SCG5: variants seen among roughly 807,000 people sequenced by gnomAD.
SCG5 encodes neuroendocrine protein 7B2.
SCG5 carries 18 observed loss-of-function variants against 25.7 expected under a neutral mutation model. The ratio of observed to expected loss-of-function variants is 0.70; its 90% CI spans 0.48 to 1.04. The LOEUF (loss-of-function observed/expected upper bound fraction) is 1.04, where lower values mean the gene tolerates loss of function less well. SCG5 is among the 50% of genes least tolerant of loss of function. The probability of loss-of-function intolerance (pLI) is 0.00; values close to 1 mark genes in which losing one functional copy is unlikely to be tolerated. For synonymous variants in SCG5, 101 were observed against 91.7 expected (o/e 1.10, Z -0.58); for missense variants, 206 against 259.8 (o/e 0.79, Z 1.42).
chr15:32,692,030 AT>A (rs2054868333), intron 5 of SCG5: 2 of 1,348,042 alleles, frequency 1.5e-6, no homozygotes, highest in Non-Finnish European at 1.9e-6. Flanking sequence ...GGAAATGTGT[AT>A]TGCTTCCCCC....
At chr15:32,668,020 G>A (rs1295367617) in intron 2 of SCG5, among the ~76,000 whole-genome samples, 4 of 152,274 alleles carry the variant, frequency 2.6e-5, no homozygotes, top group South Asian at 4.1e-4. Flanking sequence ...GGATATAAAA[G>A]AGAGAAATTG....
intron 2 of SCG5, among the ~76,000 whole-genome samples, chr15:32,676,068 C>G (rs2054525838): frequency 1.3e-5 from 2 of 152,140 alleles, no homozygotes; most frequent in African/African-American, 4.8e-5. Flanking sequence ...TGGCCCTTTG[C>G]AACTGTATAA....
chr15:32,680,112 G>C (rs2054591620), intron 3 of SCG5, among the ~76,000 whole-genome samples, 197 bp downstream of exon 3: 1 of 151,906 alleles, frequency 6.6e-6, no homozygotes, highest in South Asian at 2.1e-4. Flanking sequence ...CACCCACATA[G>C]GATTTTCCCT....
intron 2 of SCG5, among the ~76,000 whole-genome samples, chr15:32,675,959 C>G (rs1220303382): frequency 6.6e-6 from 1 of 152,158 alleles, no homozygotes; most frequent in Non-Finnish European, 1.5e-5. Context: ...ATGAATAGAC[C>G]AAATGGCATC....
At chr15:32,691,915 C>G (rs1291050553) in intron 5 of SCG5, 152 bp downstream of exon 5, 33 of 1,475,978 alleles carry the variant, frequency 2.2e-5, no homozygotes, top group Non-Finnish European at 3.0e-5. Flanking sequence ...GGGCCACACC[C>G]AGAAAGTCTG....
chr15:32,687,357 T>C (rs2054733444), intron 4 of SCG5, among the ~76,000 whole-genome samples: 1 of 152,182 alleles, frequency 6.6e-6, no homozygotes, highest in African/African-American at 2.4e-5. Context: ...TAGGATCAAA[T>C]GTAAAAGGAA....
At chr15:32,652,728 C>T (rs1374066573) in intron 2 of SCG5, among the ~76,000 whole-genome samples, 1 of 152,196 alleles carries the variant, frequency 6.6e-6, no homozygotes, top group Non-Finnish European at 1.5e-5. Context: ...GAAATGCAGT[C>T]TCCCAAATCT....
Position 32,648,785 on chromosome 15 carries a change from A to T in SCG5, c.226+4967A>T, listed in dbSNP as rs60049979. Among the ~76,000 whole-genome samples, 390 of 140,004 alleles carry T rather than the reference A, an allele frequency of 2.8e-3. 8 individuals carry two copies. The highest frequency in any genetic ancestry group is 7.1e-3 in the Middle Eastern group (2 of 280). 91.8% of individuals were successfully genotyped at this position (140,004 alleles called of 152,430 possible). On this transcript the variant is annotated intron_variant, in intron 2 of 5. Coordinates refer to ENST00000300175, the MANE Select transcript of SCG5 (RefSeq NM_001144757.3). ...GTTGCAGTCTCCTTTTTTTTTTTTA[A>T]AAAAAAAACAGAGTCTCACTCTGTC...
At chr15:32,653,313 G>T (rs542904941) in intron 2 of SCG5, among the ~76,000 whole-genome samples, 22 of 152,164 alleles carry the variant, frequency 1.4e-4, no homozygotes, top group Non-Finnish European at 2.9e-4. Context: ...TGTCAAAGAG[G>T]GACACAGAAA....
At chr15:32,688,255 T>C (rs2054759142) in intron 4 of SCG5, among the ~76,000 whole-genome samples, 1 of 152,246 alleles carries the variant, frequency 6.6e-6, no homozygotes, top group Admixed American at 6.5e-5. Flanking sequence ...CACCAATGGC[T>C]GGCTCCTGTA....
chr15:32,660,081 T>A (rs1271295283), intron 2 of SCG5, among the ~76,000 whole-genome samples: 2 of 152,186 alleles, frequency 1.3e-5, no homozygotes, highest in Non-Finnish European at 2.9e-5. Context: ...TTGGAAGGAT[T>A]ATTTTTTCCC....
intron 2 of SCG5, among the ~76,000 whole-genome samples, chr15:32,673,563 T>TGTGTGTGTGTGTGTGG (rs1555435529): frequency 1.5e-5 from 2 of 137,382 alleles, no homozygotes; most frequent in African/African-American, 5.4e-5. Flanking sequence ...TGTGTGTGTG[T>TGTGTGTGTGTGTGTGG]TGTGCGGGGG....
intron 2 of SCG5, among the ~76,000 whole-genome samples, chr15:32,663,032 AATATATATATAT>A (rs67571496): frequency 0.026 from 2,044 of 79,138 alleles, 60 homozygotes; most frequent in Non-Finnish European, 0.037. Context: ...AAAAAAAAAG[AATATATATATAT>A]ATATATATAT....
intron 4 of SCG5, among the ~76,000 whole-genome samples, chr15:32,691,281 C>T (rs951975935): frequency 2.0e-5 from 3 of 152,146 alleles, no homozygotes; most frequent in Admixed American, 6.5e-5. Context: ...CAGAATGTCT[C>T]GTTTATTTAC....
intron 4 of SCG5, among the ~76,000 whole-genome samples, chr15:32,687,215 A>T (rs886780063): frequency 1.3e-5 from 2 of 152,056 alleles, no homozygotes; most frequent in Non-Finnish European, 2.9e-5. Flanking sequence ...ATCAAATTCC[A>T]CTCACTTCCA....
intron 2 of SCG5, among the ~76,000 whole-genome samples, chr15:32,677,940 G>C (rs1466460027): frequency 1.3e-5 from 2 of 152,204 alleles, no homozygotes; most frequent in South Asian, 2.1e-4. Flanking sequence ...TTGGTGCTCA[G>C]AATAGGTTTT....
chr15:32,696,118 C>A (rs188637696), intron 5 of SCG5, among the ~76,000 whole-genome samples: 234 of 151,836 alleles, frequency 1.5e-3, no homozygotes, highest in African/African-American at 5.3e-3. Flanking sequence ...CTTTTCTTTT[C>A]TTTTTTCTTT....
chr15:32,682,931 T>C (rs1405344759), intron 3 of SCG5, among the ~76,000 whole-genome samples: 2 of 152,190 alleles, frequency 1.3e-5, no homozygotes, highest in East Asian at 3.9e-4. Flanking sequence ...CGGAGACACC[T>C]TCGGTTCCCA....
At chr15:32,671,709 AAAG>A (rs1190404288) in intron 2 of SCG5, among the ~76,000 whole-genome samples, 6 of 151,948 alleles carry the variant, frequency 3.9e-5, no homozygotes, top group Admixed American at 2.6e-4. Context: ...GAAAAAAAAA[AAAG>A]AAAAAACAAC....
Sources: gnomAD v4.1 joint callset for allele counts (sites outside exome capture counted in the v4.1 genomes callset) on GRCh38, gnomAD v4.1.1 for gene constraint, MANE v1.5 for transcripts, NCBI Gene and HGNC (gene_info 2026-07-23, HGNC 2026-07-21) for gene names.